Variants in ADAMTSL1 observed in about 807,000 individuals in gnomAD.
ADAMTSL1 encodes ADAMTS-like protein 1.
Under a neutral mutation model 201.8 loss-of-function variants are expected in ADAMTSL1, and 126 were observed. The ratio of observed to expected loss-of-function variants is 0.62; its 90% CI spans 0.54 to 0.72. The LOEUF is 0.72. ADAMTSL1 is among the 30% of genes least tolerant of loss of function. The pLI, the probability that ADAMTSL1 is intolerant of heterozygous loss-of-function variation, is 0.00. For missense variants in ADAMTSL1, 2,679 were observed against 2,277.8 expected (o/e 1.18, Z -3.59); for synonymous variants, 1,121 against 903.4 (o/e 1.24, Z -4.32).
At chr9:18,783,296 C>G (rs1821510162) in intron 19 of ADAMTSL1, among the ~76,000 whole-genome samples, 1 of 152,162 alleles carries the variant, frequency 6.6e-6, no homozygotes, top group South Asian at 2.1e-4. Flanking sequence ...CTCTTTTAAA[C>G]TTTTAAAAGT....
Position 18,428,787 on chromosome 9 carries a change from C to T in ADAMTSL1, c.208-76042C>T, listed in dbSNP as rs1406444619. On this transcript the variant is annotated intron_variant, in intron 2 of 29. Transcript: ENST00000680146. ...TAAAAAGCCTCAGTTCTTTTGAATG[C>T]CTTCTTTCTTACTCATTCTGATCTT... Among the ~76,000 whole-genome samples the T allele has an allele frequency of 3.3e-5, 5 of 152,170 alleles. No individual in the cohort carries two copies. In the East Asian group the frequency reaches 9.6e-4, roughly 29 times the overall value.
At chr9:18,721,244 G>A (rs1480114487) in intron 14 of ADAMTSL1, among the ~76,000 whole-genome samples, 1 of 152,120 alleles carries the variant, frequency 6.6e-6, no homozygotes. Context: ...CATTAGCCTC[G>A]TGGCATTTTT....
At chr9:18,231,550 T>C (rs1350601668) in intron 2 of ADAMTSL1, among the ~76,000 whole-genome samples, 1 of 152,160 alleles carries the variant, frequency 6.6e-6, no homozygotes, top group Non-Finnish European at 1.5e-5. Context: ...GCTCACAACT[T>C]GAATTGTTTC....
chr9:18,567,713 T>C (rs1445846811), intron 3 of ADAMTSL1, among the ~76,000 whole-genome samples: 1 of 152,176 alleles, frequency 6.6e-6, no homozygotes, highest in Non-Finnish European at 1.5e-5. Context: ...CCTAACCCTA[T>C]AGATACTAAC....
At chr9:18,439,492 G>A (rs562297298) in intron 2 of ADAMTSL1, among the ~76,000 whole-genome samples, 6 of 151,974 alleles carry the variant, frequency 3.9e-5, no homozygotes, top group African/African-American at 1.5e-4. Flanking sequence ...TCAGCCTCCC[G>A]AGTAGCTGGG....
At chr9:18,587,143 A>G (rs897368603) in intron 4 of ADAMTSL1, among the ~76,000 whole-genome samples, 1 of 152,322 alleles carries the variant, frequency 6.6e-6, no homozygotes, top group South Asian at 2.1e-4. Context: ...AAAAGAAACT[A>G]TCAACAGAGT....
chr9:18,024,619 G>A (rs964283564), intron 1 of ADAMTSL1, among the ~76,000 whole-genome samples: 1 of 152,070 alleles, frequency 6.6e-6, no homozygotes, highest in Non-Finnish European at 1.5e-5. Context: ...TGGCCATATA[G>A]TATTCCACGG....
chr9:18,138,313 C>A (rs531440259), intron 1 of ADAMTSL1, among the ~76,000 whole-genome samples: 1 of 152,128 alleles, frequency 6.6e-6, no homozygotes, highest in African/African-American at 2.4e-5. Context: ...GATATACATA[C>A]ATATCTTGCA....
At chr9:18,118,281 C>T (rs1238042088) in intron 1 of ADAMTSL1, among the ~76,000 whole-genome samples, 1 of 152,174 alleles carries the variant, frequency 6.6e-6, no homozygotes, top group African/African-American at 2.4e-5. Flanking sequence ...AGGATTCCAA[C>T]CTTGCCTAAG....
chr9:18,605,617 G>C (rs2132566633), intron 4 of ADAMTSL1, among the ~76,000 whole-genome samples: 2 of 152,226 alleles, frequency 1.3e-5, no homozygotes, highest in Middle Eastern at 6.8e-3. Context: ...GGCCTCAGAT[G>C]AGTTTCCCAC....
chr9:18,279,942 A>G (rs1395752862), intron 2 of ADAMTSL1, among the ~76,000 whole-genome samples: 2 of 151,938 alleles, frequency 1.3e-5, no homozygotes, highest in Non-Finnish European at 2.9e-5. Context: ...TAGGTCCTCA[A>G]TCCACGTGCT....
rs1470184526 is a variant in ADAMTSL1 at position 18,027,107 on chromosome 9, T to TA, written c.87+120187dup. ...TTTAGGTCTTCTCTTTTTTTTTTTT[T>TA]AATTTGTTAATCTAGCTAGTGATCT... On this transcript the variant is annotated intron_variant, in intron 1 of 29. Coordinates refer to the ADAMTSL1 transcript ENST00000680146. Among the ~76,000 whole-genome samples, 5 of 151,458 alleles carry TA rather than the reference T, an allele frequency of 3.3e-5. No individual in the cohort carries two copies. The South Asian group carries it at 6.2e-4, about 19-fold the overall frequency.
At chr9:18,560,190 C>T (rs1454064938) in intron 3 of ADAMTSL1, among the ~76,000 whole-genome samples, 1 of 152,030 alleles carries the variant, frequency 6.6e-6, no homozygotes, top group African/African-American at 2.4e-5. Flanking sequence ...TCCATCAATA[C>T]CTAATTTATT....
chr9:18,054,846 G>A (rs1039695366), intron 1 of ADAMTSL1, among the ~76,000 whole-genome samples: 3 of 152,126 alleles, frequency 2.0e-5, no homozygotes, highest in Non-Finnish European at 1.5e-5. Context: ...ATTTCCCTTG[G>A]GGGAGGTGCT....
chr9:18,543,951 A>AAT (rs2132173274), intron 3 of ADAMTSL1, among the ~76,000 whole-genome samples: 1 of 151,758 alleles, frequency 6.6e-6, no homozygotes, highest in African/African-American at 2.4e-5. Flanking sequence ...CCTTCTCCTT[A>AAT]ATGTGTTCTC....
chr9:18,356,103 T>G (rs1836210923), intron 2 of ADAMTSL1, among the ~76,000 whole-genome samples: 1 of 152,172 alleles, frequency 6.6e-6, no homozygotes, highest in African/African-American at 2.4e-5. Context: ...GCGGGTAGTT[T>G]TACTGAGTGA....
intron 10 of ADAMTSL1, among the ~76,000 whole-genome samples, chr9:18,678,255 A>G (rs1164612207): frequency 6.6e-6 from 1 of 152,158 alleles, no homozygotes; most frequent in East Asian, 1.9e-4. Context: ...AAATTCATTC[A>G]ATGTTCTCCA....
At chr9:18,262,680 T>TA (rs1337847516) in intron 2 of ADAMTSL1, among the ~76,000 whole-genome samples, 1 of 152,036 alleles carries the variant, frequency 6.6e-6, no homozygotes, top group Non-Finnish European at 1.5e-5. Flanking sequence ...TGATCACAAA[T>TA]AAAAAATCCT....
At chr9:18,031,826 T>C (rs1820969024) in intron 1 of ADAMTSL1, among the ~76,000 whole-genome samples, 1 of 152,206 alleles carries the variant, frequency 6.6e-6, no homozygotes, top group African/African-American at 2.4e-5. Context: ...CTGCTGGTCC[T>C]CTGAGCTTGG....
Sources: allele counts gnomAD v4.1 joint callset (sites outside exome capture counted in the v4.1 genomes callset), GRCh38; gene constraint gnomAD v4.1.1; transcripts MANE v1.5; gene names NCBI Gene and HGNC (gene_info 2026-07-23, HGNC 2026-07-21).